The following NUP214 variants were observed in gnomAD, a reference collection of about 807,000 sequenced individuals.
NUP214 encodes nucleoporin 214.
In NUP214, 79 loss-of-function variants were observed where a neutral mutation model predicts 196.2. The ratio of observed to expected loss-of-function variants is 0.40; its 90% CI spans 0.34 to 0.49. The LOEUF is 0.49. NUP214 is among the 20% of genes least tolerant of loss of function. The pLI, the probability that NUP214 is intolerant of heterozygous loss-of-function variation, is 0.58. For synonymous variants in NUP214, 1,020 were observed against 990.5 expected, an observed-to-expected ratio of 1.03 and a Z score of -0.56; for missense variants, 2,468 against 2,539.0, an observed-to-expected ratio of 0.97 and a Z score of 0.60.
At chr9:131,204,521 T>C (rs760594310) in intron 30 of NUP214, among the ~76,000 whole-genome samples, 1 of 152,190 alleles carries the variant, frequency 6.6e-6, no homozygotes, top group Non-Finnish European at 1.5e-5. Context: ...TGTAAACGAA[T>C]GCGCATGATT....
chr9:131,152,863 A>G (rs1832315602), intron 17 of NUP214, among the ~76,000 whole-genome samples: 1 of 151,948 alleles, frequency 6.6e-6, no homozygotes, highest in Admixed American at 6.6e-5. Context: ...TGCAGCCTCA[A>G]CCTCTGGGCT....
At chr9:131,162,206 A>G (rs919139972) in intron 18 of NUP214, among the ~76,000 whole-genome samples, 3 of 152,236 alleles carry the variant, frequency 2.0e-5, no homozygotes, top group East Asian at 1.9e-4. Context: ...GTAATCTTAT[A>G]GGATCATCGT....
chr9:131,221,872 T>C (rs954108599), intron 31 of NUP214, among the ~76,000 whole-genome samples: 6 of 149,796 alleles, frequency 4.0e-5, no homozygotes, highest in African/African-American at 1.5e-4. Flanking sequence ...GTTTGAAAAC[T>C]CTGACATATC....
chr9:131,144,348 C>T lies in NUP214; in HGVS notation c.1363C>T (p.Pro455Ser). Residue 455 changes from proline (P) to serine (S), a missense_variant, in exon 12 of 36, where the codon CCT becomes TCT. Pro to Ser is a moderately conservative substitution (Grantham distance 74). Transcript: ENST00000359428. ...QKLDASAAAA[P>S]ASLPPSSPAA... The stretch of plus-strand genomic sequence containing the variant: ...ACTGGATGCTTCTGCAGCTGCAGCC[C>T]CTGCCTCTCTGCCACCTTCATCACC... 1 of 1,614,202 alleles carries T rather than the reference C, an allele frequency of 6.2e-7. No homozygotes were observed. The highest frequency in any genetic ancestry group is 8.5e-7 in the Non-Finnish European group (1 of 1,180,036).
In NUP214 at chr9:131,198,380, C is replaced by T. The variant is rs151005655; in HGVS notation, c.4886C>T (p.Ser1629Phe). The change falls in exon 29 of 36, where the codon TCT (serine) becomes TTT (phenylalanine). Residue 1629 changes from serine (S) to phenylalanine (F), a missense_variant. Physicochemically the swap from Ser to Phe is radical, Grantham distance 155 (BLOSUM62 -2). This residue lies in a region of NUP214 where 1,801 missense variants were observed against 1,779.4 expected (regional missense o/e 1.01). Coordinates refer to ENST00000359428, the MANE Select transcript of NUP214 (RefSeq NM_005085.4). ...ACGTCCATTGTTGCTCCCGGCCCAT[C>T]TGCAGAGGCAGCAGCATTTGGTACC... ...STTSIVAPGP[S>F]AEAAAFGTVT... 4 of 1,614,164 alleles carry T rather than the reference C, an allele frequency of 2.5e-6. No individual in the cohort carries two copies. The African/African-American group carries it at 4.0e-5, about 16-fold the overall frequency.
At chr9:131,212,453 C>T (rs1003057474) in intron 30 of NUP214, among the ~76,000 whole-genome samples, 3 of 152,194 alleles carry the variant, frequency 2.0e-5, no homozygotes, top group Non-Finnish European at 2.9e-5. Context: ...GGGGGCATCA[C>T]GGAACCTGCC....
chr9:131,202,012 G>A (rs1194285150), intron 30 of NUP214, among the ~76,000 whole-genome samples: 1 of 152,138 alleles, frequency 6.6e-6, no homozygotes, highest in African/African-American at 2.4e-5. Flanking sequence ...TGCCCAGGCT[G>A]TAGTACAGTG....
chr9:131,219,775 TTGA>T (rs1191081791), intron 31 of NUP214, among the ~76,000 whole-genome samples: 1 of 152,234 alleles, frequency 6.6e-6, no homozygotes, highest in Non-Finnish European at 1.5e-5. Context: ...AAGAAGCCGT[TTGA>T]TGATGATCTT....
At chr9:131,221,471 C>A (rs1834553193) in intron 31 of NUP214, among the ~76,000 whole-genome samples, 1 of 152,186 alleles carries the variant, frequency 6.6e-6, no homozygotes, top group African/African-American at 2.4e-5. Flanking sequence ...GACGTATTAA[C>A]CATGGTGGCT....
At chr9:131,159,227 A>T in intron 17 of NUP214, 156 bp from the exon 18 acceptor site, 1 of 625,810 alleles carries the variant, frequency 1.6e-6, no homozygotes, top group Non-Finnish European at 2.7e-6. Flanking sequence ...TTTTAATTAT[A>T]TAGTTTTAAA....
intron 3 of NUP214, among the ~76,000 whole-genome samples, chr9:131,129,041 A>G (rs1331120987): frequency 6.6e-6 from 1 of 152,216 alleles, no homozygotes; most frequent in Admixed American, 6.5e-5. Flanking sequence ...GCAATTGTGC[A>G]TTCCCCTTCT....
intron 33 of NUP214, chr9:131,228,740 C>T (rs971931179): frequency 5.7e-5 from 9 of 157,314 alleles, no homozygotes; most frequent in Non-Finnish European, 1.3e-4. Flanking sequence ...CTGTGTTAGA[C>T]CCGTTGTCCT....
In NUP214 at chr9:131,216,410, G is replaced by A. The variant is rs373050093; in HGVS notation, c.5749+1042G>A. On this transcript the variant is annotated intron_variant, in intron 31 of 35. Coordinates refer to ENST00000359428, the MANE Select transcript of NUP214 (RefSeq NM_005085.4). ...CGGCTAATTTTTTATATTTTTTTTA[G>A]TAGAGACGGGGTTTCACCATGTTAG... Among the ~76,000 whole-genome samples the A allele has an allele frequency of 3.4e-5, 5 of 148,954 alleles. No homozygotes were observed. The East Asian group carries it at 8.1e-4, about 24-fold the overall frequency.
chr9:131,140,476 G>A (rs1036908599), intron 10 of NUP214, 73 bp from the exon 11 acceptor site: 1 of 1,308,928 alleles, frequency 7.6e-7, no homozygotes, highest in Non-Finnish European at 1.1e-6. Context: ...TCATGTTGAG[G>A]GCAGTCTTTG....
At chr9:131,229,212 G>A (rs1436932786) in intron 33 of NUP214, 2 of 156,760 alleles carry the variant, frequency 1.3e-5, no homozygotes, top group Non-Finnish European at 2.8e-5. Flanking sequence ...ACTATAGTAT[G>A]TTCTTACTCA....
At position 131,192,169 on chromosome 9, in the gene NUP214, CTTTTTTTTTT is replaced by C. The variant is rs66652901; in HGVS notation, c.3575-22_3575-13del. 7.8e-4 allele frequency: 348 copies of C among 447,478 alleles called. No individual in the cohort carries two copies. The East Asian group carries it at 0.02, about 26-fold the overall frequency. The allele number at this position is 447,478 out of a possible 1,614,324, so 27.7% of individuals were successfully genotyped here. On this transcript the variant is annotated intron_variant, in intron 26 of 35. Transcript: ENST00000359428. ...AGTGTTTCTGTCTTTTTGTAATATT[CTTTTTTTTTT>C]TTTTTTTTTTTTTTTTCCATAATTT...
chr9:131,190,677 T>C, intron 26 of NUP214: 1 of 519,160 alleles, frequency 1.9e-6, no homozygotes, highest in Non-Finnish European at 3.4e-6. Flanking sequence ...AGAAAAAGCC[T>C]ATGGTGTAGA....
intron 30 of NUP214, among the ~76,000 whole-genome samples, chr9:131,204,474 C>G (rs1028868439): frequency 1.3e-5 from 2 of 152,080 alleles, no homozygotes; most frequent in Non-Finnish European, 2.9e-5. Flanking sequence ...AAGCACTTAA[C>G]GCTGCCATTG....
At chr9:131,160,273 G>A (rs577832818) in intron 18 of NUP214, among the ~76,000 whole-genome samples, 11 of 152,212 alleles carry the variant, frequency 7.2e-5, no homozygotes, top group African/African-American at 2.4e-4. Context: ...AGGTACAAAA[G>A]TAAATAGATG....
Sources: gnomAD v4.1 joint callset for allele counts (sites outside exome capture counted in the v4.1 genomes callset) on GRCh38, gnomAD v4.1.1 for gene constraint, gnomAD v4.1.1 regional missense constraint, MANE v1.5 for transcripts, NCBI Gene and HGNC (gene_info 2026-07-23, HGNC 2026-07-21) for gene names.